Variants in RPS6KB1 observed in about 807,000 individuals in gnomAD.
RPS6KB1 encodes the protein ribosomal protein S6 kinase B1.
In RPS6KB1, 12 loss-of-function variants were observed where a neutral mutation model predicts 70.2. That is an observed-to-expected ratio of 0.17 (90% CI 0.11 to 0.28). The LOEUF is 0.28. Among genes scored for constraint, RPS6KB1 ranks in the 10% least tolerant of loss-of-function variants. RPS6KB1 has a pLI of 1.00. For missense variants in RPS6KB1, 270 were observed against 646.6 expected (o/e 0.42, Z 6.32); for synonymous variants, 175 against 211.2 (o/e 0.83, Z 1.49).
At chr17:59,910,697 C>G in intron 2 of RPS6KB1, 86 bp downstream of exon 2, 1 of 827,080 alleles carries the variant, frequency 1.2e-6, no homozygotes, top group Non-Finnish European at 2.0e-6. Context: ...TCATGTGATT[C>G]CTGTAACCTG....
chr17:59,927,308 T>C (rs2043667147), intron 5 of RPS6KB1, among the ~76,000 whole-genome samples: 2 of 151,862 alleles, frequency 1.3e-5, no homozygotes, highest in Admixed American at 1.3e-4. Flanking sequence ...GGTCTCGAAC[T>C]CCCGACTTCA....
At chr17:59,906,237 A>T (rs79424623) in intron 1 of RPS6KB1, among the ~76,000 whole-genome samples, 1 of 152,188 alleles carries the variant, frequency 6.6e-6, no homozygotes, top group African/African-American at 2.4e-5. Context: ...TCTTTATGCC[A>T]GTACCACACT....
chr17:59,900,619 G>T (rs953681693), intron 1 of RPS6KB1, among the ~76,000 whole-genome samples: 5 of 152,032 alleles, frequency 3.3e-5, no homozygotes, highest in Admixed American at 2.6e-4. Context: ...GCCTGCCTTG[G>T]CCCCAAAGTG....
At position 59,913,391 on chromosome 17, in the gene RPS6KB1, A is replaced by G. The variant is rs556066110; in HGVS notation, c.312+587A>G. On this transcript the variant is annotated intron_variant, in intron 3 of 14. Transcript: ENST00000225577. The stretch of plus-strand genomic sequence containing the variant: ...AACTTGGTTAGTATTAAGTTTTAAG[A>G]ATTATTTTTGCTATTGTGTAGTGTT... 2.0e-5 allele frequency among the ~76,000 whole-genome samples: 3 copies of G among 152,318 alleles called. No individual in the cohort carries two copies. The South Asian group carries it at 6.2e-4, about 32-fold the overall frequency.
intron 2 of RPS6KB1, among the ~76,000 whole-genome samples, chr17:59,911,146 C>T (rs756947912): frequency 6.6e-6 from 1 of 152,140 alleles, no homozygotes; most frequent in Non-Finnish European, 1.5e-5. Flanking sequence ...AGCCGGGCGA[C>T]ATAGCGAGAC....
rs572056245 is a variant in RPS6KB1 at position 59,918,690 on chromosome 17, A to T, written c.381+3987A>T. ...CAGCCTCTCTGAGAGTTTAATTATA[A>T]TTATTTGAAATGTTCTTTTGTTTTA... On this transcript the variant is annotated intron_variant, in intron 4 of 14. Coordinates refer to ENST00000225577, the MANE Select transcript of RPS6KB1 (RefSeq NM_003161.4). Among the ~76,000 whole-genome samples, 228 of 152,118 alleles carry T rather than the reference A, an allele frequency of 1.5e-3. 1 individual carries two copies. Among genetic ancestry groups the T allele is most frequent in the Middle Eastern group, 6.8e-3 (2 of 294 alleles).
intron 4 of RPS6KB1, among the ~76,000 whole-genome samples, chr17:59,917,712 C>T (rs1444938270): frequency 4.6e-5 from 7 of 152,240 alleles, no homozygotes; most frequent in Non-Finnish European, 8.8e-5. Context: ...GTTGGGATTA[C>T]AGGCATGTGC....
chr17:59,946,828 G>T lies in RPS6KB1; in HGVS notation c.*40G>T. 1 of 1,608,746 alleles carries T rather than the reference G, an allele frequency of 6.2e-7. No individual in the cohort carries two copies. The highest frequency in any genetic ancestry group is 1.1e-5 in the South Asian group (1 of 90,756). On this transcript the variant is annotated 3_prime_UTR_variant, in exon 15 of 15. Coordinates refer to ENST00000225577, the MANE Select transcript of RPS6KB1 (RefSeq NM_003161.4). The surrounding 1 kb of genome is among the most constrained non-coding windows in gnomAD (Gnocchi z 4.2). The stretch of plus-strand genomic sequence containing the variant: ...TAATGAATTTAAGGCAAAAAAGGTG[G>T]AGAGGGAGATGTGTGAGCATCCTGC...
At chr17:59,923,398 G>T (rs959242198) in intron 4 of RPS6KB1, among the ~76,000 whole-genome samples, 1 of 151,998 alleles carries the variant, frequency 6.6e-6, no homozygotes, top group Non-Finnish European at 1.5e-5. Context: ...TCCATGTGGG[G>T]CAGGCTGGTC....
intron 2 of RPS6KB1, among the ~76,000 whole-genome samples, chr17:59,911,585 C>G (rs1404204536): frequency 2.5e-5 from 3 of 120,808 alleles, no homozygotes; most frequent in Non-Finnish European, 3.2e-5. Flanking sequence ...CGCTCTTGTT[C>G]CCAGGCTGGA....
chr17:59,935,014 G>A lies in RPS6KB1; in HGVS notation c.871-179G>A. ...AGAATCTAGCCTTGACAACATAGTT[G>A]AGACCCTGTCTGTAAAACAAAATAA... On this transcript the variant is annotated intron_variant, in intron 9 of 14. Coordinates refer to ENST00000225577, the MANE Select transcript of RPS6KB1 (RefSeq NM_003161.4). 3 of 521,128 alleles carry A rather than the reference G, an allele frequency of 5.8e-6. No homozygotes were observed. The East Asian group carries it at 1.0e-4, about 18-fold the overall frequency. The allele number at this position is 521,128 out of a possible 1,614,324, so 32.3% of individuals were successfully genotyped here.
In RPS6KB1 at chr17:59,893,638, C is replaced by A. The variant is rs982660515; in HGVS notation, c.141+313C>A. Among the ~76,000 whole-genome samples, 3 of 152,096 alleles carry A rather than the reference C, an allele frequency of 2.0e-5. No homozygotes were observed. The highest frequency in any genetic ancestry group is 7.2e-5 in the African/African-American group (3 of 41,418). ...CTTGAGTGTGGCGGGGAGCGGGTGG[C>A]GTGAGCGTGTGTTGGGGAGACGGGG... On this transcript the variant is annotated intron_variant, in intron 1 of 14. Transcript: ENST00000225577. This position sits in a 1 kb window ranked among gnomAD's most constrained non-coding sequence, Gnocchi z 4.1.
intron 1 of RPS6KB1, among the ~76,000 whole-genome samples, chr17:59,901,396 G>T (rs1364751274): frequency 6.6e-6 from 1 of 150,710 alleles, no homozygotes; most frequent in East Asian, 2.0e-4. Context: ...CAATCCGCCC[G>T]CCTCAGCCTC....
rs565157448 is a variant in RPS6KB1, at chr17:59,950,330, G to A, written c.*3542G>A. On this transcript the variant is annotated 3_prime_UTR_variant, in exon 15 of 15. Coordinates refer to ENST00000225577, the MANE Select transcript of RPS6KB1 (RefSeq NM_003161.4). ...TAGGAGTGCTATGAGGGTAACACCTGTTCTGCTTTTCATCTTGTATTTAGT... is the reference window on the plus strand; with the variant it reads ...TAGGAGTGCTATGAGGGTAACACCTATTCTGCTTTTCATCTTGTATTTAGT... The A allele has an allele frequency of 6.6e-6, 1 of 152,602 alleles. No homozygotes were observed. The highest frequency in any genetic ancestry group is 2.4e-5 in the African/African-American group (1 of 41,518). The allele number at this position is 152,602 out of a possible 1,614,324, so 9.5% of individuals were successfully genotyped here. A position where few individuals can be genotyped will look rare whatever the true frequency, so the allele number is the denominator to read the frequency against.
intron 4 of RPS6KB1, among the ~76,000 whole-genome samples, chr17:59,925,791 TTC>T (rs1158886229): frequency 6.6e-6 from 1 of 152,142 alleles, no homozygotes; most frequent in Non-Finnish European, 1.5e-5. Flanking sequence ...CCTTCTACAT[TTC>T]TTTCTTTCTT....
At chr17:59,908,444 A>G (rs1026896410) in intron 1 of RPS6KB1, among the ~76,000 whole-genome samples, 3 of 150,382 alleles carry the variant, frequency 2.0e-5, no homozygotes, top group African/African-American at 7.3e-5. Flanking sequence ...CAGGTGATCC[A>G]CCCGCCTCGG....
At chr17:59,899,394 C>T (rs1316888858) in intron 1 of RPS6KB1, among the ~76,000 whole-genome samples, 1 of 152,034 alleles carries the variant, frequency 6.6e-6, no homozygotes, top group Non-Finnish European at 1.5e-5. Context: ...ATGCAGGTGC[C>T]AGCATTATAG....
At chr17:59,897,626 G>T (rs909113489) in intron 1 of RPS6KB1, among the ~76,000 whole-genome samples, 11 of 152,108 alleles carry the variant, frequency 7.2e-5, no homozygotes, top group Admixed American at 7.2e-4. Context: ...GAGACTAAAT[G>T]ATACATTTAT....
At chr17:59,908,026 G>A (rs1046504736) in intron 1 of RPS6KB1, among the ~76,000 whole-genome samples, 3 of 151,832 alleles carry the variant, frequency 2.0e-5, no homozygotes, top group South Asian at 4.1e-4. Context: ...TCGATCAGCC[G>A]CATTTTACAC....
Sources: allele counts gnomAD v4.1 joint callset (sites outside exome capture counted in the v4.1 genomes callset), GRCh38; gene constraint gnomAD v4.1.1; non-coding constraint Gnocchi (gnomAD v3.1); transcripts MANE v1.5; gene names NCBI Gene and HGNC (gene_info 2026-07-23, HGNC 2026-07-21).